STK3: variants seen among roughly 807,000 people sequenced by gnomAD.
STK3 encodes serine/threonine-protein kinase 3.
STK3 carries 41 observed loss-of-function variants against 58.0 expected under a neutral mutation model. The ratio of observed to expected loss-of-function variants is 0.71; its 90% CI spans 0.55 to 0.92. The LOEUF is 0.92. Among genes scored for constraint, STK3 ranks in the 40% least tolerant of loss-of-function variants. The pLI is 0.00. For missense variants in STK3, 479 were observed against 602.7 expected, an observed-to-expected ratio of 0.79 and a Z score of 2.15; for synonymous variants, 170 against 191.0, an observed-to-expected ratio of 0.89 and a Z score of 0.91.
At chr8:98,358,440 A>G in the STK3 span, among the ~76,000 whole-genome samples, 1 of 152,180 alleles carries the variant, frequency 6.6e-6, no homozygotes. Context: ...CCTGAGGGCA[A>G]TGGGGAGCCA....
chr8:98,867,398 G>T (rs534808979), intron 3 of STK3, among the ~76,000 whole-genome samples: 2 of 152,148 alleles, frequency 1.3e-5, no homozygotes, highest in Non-Finnish European at 1.5e-5. Flanking sequence ...TGGGTGATAG[G>T]AGTGAAACCC....
At position 98,887,393 on chromosome 8, in the gene STK3, GA is replaced by G. The variant is rs531304942; in HGVS notation, c.-78-3560del. 2.1e-3 allele frequency among the ~76,000 whole-genome samples: 323 copies of G among 152,164 alleles called. 1 individual carries two copies. The highest frequency in any genetic ancestry group is 7.4e-3 in the African/African-American group (307 of 41,508). ...AATATTCCAAAATCTGAAAAAATCCGAAAAAATCCAAAATCCAAAACACTTC... is the reference window on the plus strand; with the variant it reads ...AATATTCCAAAATCTGAAAAAATCCGAAAAATCCAAAATCCAAAACACTTC... On this transcript the variant is annotated intron_variant, in intron 1 of 1. Coordinates refer to the STK3 transcript ENST00000519420.
intron 10 of STK3, among the ~76,000 whole-genome samples, chr8:98,499,397 C>G (rs1408193317): frequency 1.3e-5 from 2 of 152,070 alleles, no homozygotes; most frequent in Non-Finnish European, 2.9e-5. Flanking sequence ...GATTTTGGAG[C>G]CTGGAAGTGG....
intron 4 of STK3, among the ~76,000 whole-genome samples, chr8:98,710,589 G>A (rs946747059): frequency 6.6e-6 from 1 of 152,232 alleles, no homozygotes; most frequent in Admixed American, 6.5e-5. Context: ...CAGCGAGGCT[G>A]GGGGAGGGGC....
At chr8:98,545,989 C>A (rs1810667563) in intron 9 of STK3, among the ~76,000 whole-genome samples, 1 of 152,130 alleles carries the variant, frequency 6.6e-6, no homozygotes, top group East Asian at 1.9e-4. Flanking sequence ...ATACTAACAT[C>A]ACTTGATTAG....
intron 6 of STK3, among the ~76,000 whole-genome samples, chr8:98,614,787 A>G (rs913466744): frequency 1.3e-5 from 2 of 152,166 alleles, no homozygotes; most frequent in Non-Finnish European, 2.9e-5. Flanking sequence ...ACTATATCCC[A>G]CACCTGGCTT....
At chr8:98,633,531 T>G in intron 6 of STK3, 1 of 701,634 alleles carries the variant, frequency 1.4e-6, no homozygotes, top group South Asian at 1.5e-5. Flanking sequence ...TGAGTGCAAG[T>G]AACAGAGAAT....
intron 1 of STK3, among the ~76,000 whole-genome samples, chr8:98,900,113 G>C (rs1332389232): frequency 6.6e-6 from 1 of 152,164 alleles, no homozygotes; most frequent in Non-Finnish European, 1.5e-5. Context: ...GTCTCCCTCT[G>C]TCGCCCAGGC....
At chr8:98,513,628 G>C (rs916850805) in intron 10 of STK3, among the ~76,000 whole-genome samples, 4 of 152,174 alleles carry the variant, frequency 2.6e-5, no homozygotes, top group African/African-American at 9.7e-5. Flanking sequence ...GGCTTGGGTA[G>C]AGCAGCCTGC....
intron 6 of STK3, among the ~76,000 whole-genome samples, chr8:98,675,735 C>T (rs1823158318): frequency 6.6e-6 from 1 of 151,912 alleles, no homozygotes. Context: ...TGGTGGCGGG[C>T]AGCCTGTAGT....
chr8:98,887,126 G>A (rs1838020774), intron 1 of STK3, among the ~76,000 whole-genome samples: 1 of 151,948 alleles, frequency 6.6e-6, no homozygotes, highest in Admixed American at 6.6e-5. Context: ...TCATCATTTG[G>A]TTACTTATAA....
At chr8:98,556,411 G>T (rs774327459) in intron 8 of STK3, among the ~76,000 whole-genome samples, 1 of 152,048 alleles carries the variant, frequency 6.6e-6, no homozygotes, top group Non-Finnish European at 1.5e-5. Flanking sequence ...CTGAGAATGG[G>T]TAGAAAGAAC....
chr8:98,907,751 G>A (rs1377341213), intron 1 of STK3, among the ~76,000 whole-genome samples: 1 of 152,166 alleles, frequency 6.6e-6, no homozygotes, highest in Non-Finnish European at 1.5e-5. Context: ...CATTAAACAT[G>A]TAGCAAGTGT....
intron 2 of STK3, among the ~76,000 whole-genome samples, chr8:98,373,768 A>G (rs1468388668): frequency 1.3e-5 from 2 of 152,172 alleles, no homozygotes; most frequent in Admixed American, 6.5e-5. Context: ...TATATAACTT[A>G]TCCTGTCATC....
At chr8:98,652,622 A>C (rs1215189327) in intron 6 of STK3, among the ~76,000 whole-genome samples, 2 of 146,944 alleles carry the variant, frequency 1.4e-5, no homozygotes, top group Non-Finnish European at 3.0e-5. Context: ...GCTCAAAATA[A>C]AAGGATGGAG....
chr8:98,584,072 G>A (rs1814205606), intron 7 of STK3, among the ~76,000 whole-genome samples: 1 of 151,336 alleles, frequency 6.6e-6, no homozygotes, highest in African/African-American at 2.4e-5. Flanking sequence ...AGAAGGTAGT[G>A]AAAATCTTTT....
chr8:98,589,757 G>A (rs1463659895), intron 7 of STK3, among the ~76,000 whole-genome samples: 1 of 152,226 alleles, frequency 6.6e-6, no homozygotes, highest in Non-Finnish European at 1.5e-5. Context: ...GAGACTCCGT[G>A]GGCATAGGAC....
At chr8:98,377,259 T>G (rs961160850) in intron 2 of STK3, among the ~76,000 whole-genome samples, 2 of 152,252 alleles carry the variant, frequency 1.3e-5, no homozygotes, top group Non-Finnish European at 2.9e-5. Context: ...CATTGCTATT[T>G]GTTAGGAGTC....
intron 3 of STK3, among the ~76,000 whole-genome samples, chr8:98,402,485 C>T (rs1226757259): frequency 6.6e-6 from 1 of 152,186 alleles, no homozygotes; most frequent in African/African-American, 2.4e-5. Flanking sequence ...GTCTGGGCCC[C>T]ACAGGAGAAA....
Sources: allele counts gnomAD v4.1 joint callset (sites outside exome capture counted in the v4.1 genomes callset), GRCh38; gene constraint gnomAD v4.1.1; transcripts MANE v1.5; gene names NCBI Gene and HGNC (gene_info 2026-07-23, HGNC 2026-07-21).